GRM5: variants seen among roughly 807,000 people sequenced by gnomAD.
GRM5 encodes the protein metabotropic glutamate receptor 5.
Under a neutral mutation model 83.1 loss-of-function variants are expected in GRM5, and 19 were observed. The observed-to-expected ratio is 0.23, with a 90% CI of 0.16 to 0.34. The LOEUF is 0.34. Ranked by LOEUF, GRM5 falls within the 10% of genes least tolerant of loss-of-function variation. The pLI is 1.00. For synonymous variants in GRM5, 675 were observed against 633.6 expected, an observed-to-expected ratio of 1.07 and a Z score of -0.98; for missense variants, 1,160 against 1,588.3, an observed-to-expected ratio of 0.73 and a Z score of 4.58.
intron 4 of GRM5, among the ~76,000 whole-genome samples, chr11:88,646,187 C>T (rs1939439486): frequency 6.6e-6 from 1 of 151,908 alleles, no homozygotes; most frequent in Non-Finnish European, 1.5e-5. Context: ...TAAAGGAAAC[C>T]ATCCTTAAAA....
intron 3 of GRM5, among the ~76,000 whole-genome samples, chr11:88,774,215 C>T (rs4325317): frequency 0.72 from 109,924 of 151,974 alleles, 40,179 homozygotes; most frequent in African/African-American, 0.75. Flanking sequence ...TTTGTAGCAA[C>T]TGTGAATGGG....
chr11:89,050,922 T>C (rs1425541536), intron 1 of GRM5, among the ~76,000 whole-genome samples: 6 of 151,938 alleles, frequency 3.9e-5, no homozygotes, highest in African/African-American at 1.5e-4. Flanking sequence ...CATGTATACA[T>C]AGTGGGGAAC....
chr11:88,961,778 C>T (rs1030884894), intron 2 of GRM5, among the ~76,000 whole-genome samples: 1 of 152,106 alleles, frequency 6.6e-6, no homozygotes, highest in East Asian at 1.9e-4. Context: ...TCCTTTTATG[C>T]ATGTGGCCTG....
chr11:88,669,005 T>G (rs1940124252), intron 3 of GRM5, among the ~76,000 whole-genome samples: 1 of 152,144 alleles, frequency 6.6e-6, no homozygotes, highest in African/African-American at 2.4e-5. Flanking sequence ...AGTATGTAGC[T>G]TCCTCAAAAT....
At chr11:88,775,895 G>A (rs1386769529) in intron 3 of GRM5, among the ~76,000 whole-genome samples, 1 of 108,512 alleles carries the variant, frequency 9.2e-6, no homozygotes, top group African/African-American at 2.5e-5. Flanking sequence ...GCAATGTGTT[G>A]CTGAGAAGAC....
chr11:89,064,336 G>A (rs946637987), intron 1 of GRM5, among the ~76,000 whole-genome samples: 3 of 152,098 alleles, frequency 2.0e-5, no homozygotes, highest in African/African-American at 7.2e-5. Flanking sequence ...TAAAAAAATA[G>A]CATATGACTT....
At chr11:88,713,344 A>T (rs1941324011) in intron 3 of GRM5, among the ~76,000 whole-genome samples, 2 of 151,986 alleles carry the variant, frequency 1.3e-5, no homozygotes, top group South Asian at 4.1e-4. Context: ...CCATACCTCC[A>T]TTTCCATCAT....
rs541609763 is a variant in GRM5, at chr11:88,524,186, T to C, written c.2726+1123A>G. The C allele has an allele frequency of 1.3e-4, 17 of 127,242 alleles. 1 individual carries two copies. The highest frequency in any genetic ancestry group is 5.1e-4 in the African/African-American group (17 of 33,622). The allele number at this position is 127,242 out of a possible 1,614,324, so 7.9% of individuals were successfully genotyped here. A position where few individuals can be genotyped will look rare whatever the true frequency, so the allele number is the denominator to read the frequency against. On this transcript the variant is annotated intron_variant, in intron 9 of 9. Transcript: ENST00000305447. ...CTCCAGGGCCCTTTTCTTTTCTTTT[T>C]TCTTTTTCTTTCTTTCTTTCTTTCT...
intron 4 of GRM5, among the ~76,000 whole-genome samples, chr11:88,623,013 A>C (rs1170695266): frequency 1.3e-5 from 2 of 152,174 alleles, no homozygotes; most frequent in Non-Finnish European, 2.9e-5. Flanking sequence ...GTGGGTAAGA[A>C]TAGAGCCTAG....
intron 3 of GRM5, among the ~76,000 whole-genome samples, chr11:88,720,803 T>TGC (rs1565200699): frequency 7.7e-6 from 1 of 129,830 alleles, no homozygotes; most frequent in African/African-American, 3.0e-5. Flanking sequence ...ACTCTGTGTG[T>TGC]GTGTGTGTGT....
At chr11:88,754,509 A>G (rs1407343407) in intron 3 of GRM5, among the ~76,000 whole-genome samples, 1 of 152,162 alleles carries the variant, frequency 6.6e-6, no homozygotes, top group Non-Finnish European at 1.5e-5. Flanking sequence ...TGGCAGGAAA[A>G]CAACATTGAA....
chr11:88,952,269 T>C (rs1258522223), intron 2 of GRM5, among the ~76,000 whole-genome samples: 1 of 152,214 alleles, frequency 6.6e-6, no homozygotes, highest in African/African-American at 2.4e-5. Flanking sequence ...TCAGGTTTCC[T>C]CACTGAAACG....
chr11:88,802,735 A>G lies in GRM5; in HGVS notation c.911+47171T>C, dbSNP rs563741022. 4.1e-3 allele frequency among the ~76,000 whole-genome samples: 615 copies of G among 150,586 alleles called. 7 individuals carry two copies. Among genetic ancestry groups the G allele is most frequent in the African/African-American group, 0.014 (584 of 40,412 alleles). ...AAGGGTATTCAATTAGGAAAAGAGGAAGTCAAATTGTCCCTGTTTGCAGAT... is the reference window on the plus strand; with the variant it reads ...AAGGGTATTCAATTAGGAAAAGAGGGAGTCAAATTGTCCCTGTTTGCAGAT... On this transcript the variant is annotated intron_variant, in intron 3 of 9. Transcript: ENST00000305447.
chr11:88,992,484 A>G (rs1940014505), intron 2 of GRM5, among the ~76,000 whole-genome samples: 1 of 152,204 alleles, frequency 6.6e-6, no homozygotes, highest in South Asian at 2.1e-4. Flanking sequence ...CTAGAACTAG[A>G]AATTCCATTT....
intron 2 of GRM5, among the ~76,000 whole-genome samples, chr11:88,994,215 T>C (rs1292441487): frequency 7.3e-5 from 11 of 151,518 alleles, no homozygotes; most frequent in Non-Finnish European, 8.8e-5. Flanking sequence ...GAGACACTGA[T>C]GAAAGATATT....
At chr11:88,779,250 G>T (rs1428267488) in intron 3 of GRM5, among the ~76,000 whole-genome samples, 1 of 152,182 alleles carries the variant, frequency 6.6e-6, no homozygotes, top group Admixed American at 6.6e-5. Flanking sequence ...TAGGAACCCT[G>T]TAAGGATTAT....
intron 2 of GRM5, among the ~76,000 whole-genome samples, chr11:89,028,312 G>A (rs1176789911): frequency 1.3e-5 from 2 of 152,164 alleles, no homozygotes; most frequent in Non-Finnish European, 1.5e-5. Flanking sequence ...GGCAGACATG[G>A]TGGCTCCTGC....
At chr11:88,922,053 G>A (rs577447701) in intron 2 of GRM5, among the ~76,000 whole-genome samples, 1 of 152,022 alleles carries the variant, frequency 6.6e-6, no homozygotes, top group South Asian at 2.1e-4. Flanking sequence ...TCTCTACAAT[G>A]AAAACTAAAA....
rs184250182 is a variant in GRM5 at position 88,974,410 on chromosome 11, T to C, written c.661+72802A>G. Among the ~76,000 whole-genome samples the C allele has an allele frequency of 1.6e-3, 241 of 151,976 alleles. 2 individuals are homozygous for C. The highest frequency in any genetic ancestry group is 1.8e-3 in the Non-Finnish European group (125 of 67,972). ...ATAGATAGATAGATAGATAGATAGATAGATAGATAGATAATCTGTATTTAG... is the reference window on the plus strand; with the variant it reads ...ATAGATAGATAGATAGATAGATAGACAGATAGATAGATAATCTGTATTTAG... On this transcript the variant is annotated intron_variant, in intron 2 of 9. Transcript: ENST00000305447.
Sources: gnomAD v4.1 joint callset for allele counts (sites outside exome capture counted in the v4.1 genomes callset) on GRCh38, gnomAD v4.1.1 for gene constraint, MANE v1.5 for transcripts, NCBI Gene and HGNC (gene_info 2026-07-23, HGNC 2026-07-21) for gene names.